Variants in PDE1C observed in about 807,000 individuals in gnomAD.
PDE1C encodes dual specificity calcium/calmodulin-dependent 3',5'-cyclic nucleotide phosphodiesterase 1C.
Under a neutral mutation model 93.1 loss-of-function variants are expected in PDE1C, and 62 were observed. The observed-to-expected ratio is 0.67, with a 90% confidence interval of 0.54 to 0.82. The LOEUF (loss-of-function observed/expected upper bound fraction) is 0.82, where lower values mean the gene tolerates loss of function less well. PDE1C is among the 40% of genes least tolerant of loss of function. The pLI, the probability that PDE1C is intolerant of heterozygous loss-of-function variation, is 0.00. For missense variants in PDE1C, 742 were observed against 884.6 expected (o/e 0.84, Z 2.04); for synonymous variants, 325 against 310.1 (o/e 1.05, Z -0.50).
At chr7:32,109,042 G>A (rs1220150836) in intron 3 of PDE1C, among the ~76,000 whole-genome samples, 2 of 152,060 alleles carry the variant, frequency 1.3e-5, no homozygotes, top group Non-Finnish European at 2.9e-5. Context: ...AAATACTATA[G>A]GAGCAAAGGA....
At chr7:32,211,878 T>C (rs113414309) in intron 1 of PDE1C, among the ~76,000 whole-genome samples, 3,484 of 151,524 alleles carry the variant, frequency 0.023, 76 homozygotes, top group African/African-American at 0.059. Context: ...TTTAACAACT[T>C]AGCCGGGTGT....
At chr7:31,893,346 G>T in intron 2 of PDE1C, 1 of 260,508 alleles carries the variant, frequency 3.8e-6, no homozygotes, top group Non-Finnish European at 6.0e-6. Context: ...GGAGGGATCT[G>T]AACCAGTAAT....
chr7:31,828,041 GCCCCCTC>G (rs1446231472), intron 12 of PDE1C, among the ~76,000 whole-genome samples: 2 of 151,992 alleles, frequency 1.3e-5, no homozygotes, highest in African/African-American at 4.8e-5. Context: ...GAAAGTTGGG[GCCCCCTC>G]TTTCTCTTGA....
intron 1 of PDE1C, among the ~76,000 whole-genome samples, chr7:32,410,114 C>G (rs111686782): frequency 6.6e-6 from 1 of 152,118 alleles, no homozygotes; most frequent in African/African-American, 2.4e-5. Flanking sequence ...AAAACTACTA[C>G]AAACAATAGG....
At chr7:32,226,202 A>C (rs1050012767) in intron 1 of PDE1C, among the ~76,000 whole-genome samples, 1 of 152,172 alleles carries the variant, frequency 6.6e-6, no homozygotes, top group Admixed American at 6.5e-5. Flanking sequence ...CCCCGTCTCT[A>C]TCTGTCTGGC....
chr7:32,413,176 G>C (rs1203921690), intron 1 of PDE1C, among the ~76,000 whole-genome samples: 1 of 152,058 alleles, frequency 6.6e-6, no homozygotes, highest in African/African-American at 2.4e-5. Flanking sequence ...GGCTTACGTA[G>C]GGGGGAATGC....
chr7:32,244,759 CAT>C (rs1393757747), intron 1 of PDE1C, among the ~76,000 whole-genome samples: 1 of 152,176 alleles, frequency 6.6e-6, no homozygotes. Context: ...GTTTTTAAAA[CAT>C]ATGTGACTTT....
chr7:32,151,970 T>C (rs2128791018), intron 3 of PDE1C, among the ~76,000 whole-genome samples: 1 of 152,354 alleles, frequency 6.6e-6, no homozygotes, highest in Non-Finnish European at 1.5e-5. Flanking sequence ...ATGACATTTT[T>C]ATTTTAATAA....
chr7:31,695,739 C>G, the PDE1C span: 1 of 983,228 alleles, frequency 1.0e-6, no homozygotes, highest in East Asian at 2.5e-5. Flanking sequence ...GTGCACTCCC[C>G]ACCTCTGTAT....
intron 1 of PDE1C, among the ~76,000 whole-genome samples, chr7:32,066,477 A>G (rs1795425262): frequency 6.6e-6 from 1 of 152,246 alleles, no homozygotes; most frequent in African/African-American, 2.4e-5. Flanking sequence ...ATGAGATTAG[A>G]TAATTATAAT....
At chr7:31,739,200 GACACAC>G in the PDE1C span, among the ~76,000 whole-genome samples, 793 of 143,156 alleles carry the variant, frequency 5.5e-3, 2 homozygotes, top group African/African-American at 0.018. Context: ...GTAACTTTTA[GACACAC>G]ACACACACAC....
chr7:31,689,923 A>G, the PDE1C span, among the ~76,000 whole-genome samples: 1 of 152,190 alleles, frequency 6.6e-6, no homozygotes, highest in African/African-American at 2.4e-5. Flanking sequence ...GTTCACCACC[A>G]CCATTCTTTA....
At chr7:31,874,843 G>C (rs192263433) in intron 5 of PDE1C, among the ~76,000 whole-genome samples, 19 of 152,322 alleles carry the variant, frequency 1.2e-4, no homozygotes, top group Middle Eastern at 3.4e-3. Context: ...GCAAAACCTC[G>C]CAAGTCTAGA....
chr7:32,173,014 T>C (rs1179956286), intron 2 of PDE1C, among the ~76,000 whole-genome samples: 5 of 152,094 alleles, frequency 3.3e-5, no homozygotes, highest in African/African-American at 1.2e-4. Context: ...GCTGGGTATA[T>C]ACCCAAAGGA....
At chr7:31,796,328 T>C (rs1257070663) in intron 16 of PDE1C, among the ~76,000 whole-genome samples, 2 of 151,612 alleles carry the variant, frequency 1.3e-5, no homozygotes, top group African/African-American at 2.4e-5. Flanking sequence ...TAAGTGTGTG[T>C]GTAATTTCAG....
the PDE1C span, among the ~76,000 whole-genome samples, chr7:31,715,317 C>A: frequency 6.6e-6 from 1 of 152,084 alleles, no homozygotes; most frequent in Non-Finnish European, 1.5e-5. Flanking sequence ...CAGCTCACTG[C>A]AACCTCTGCC....
At chr7:32,402,004 A>G (rs1784953238) in intron 1 of PDE1C, among the ~76,000 whole-genome samples, 1 of 152,194 alleles carries the variant, frequency 6.6e-6, no homozygotes. Flanking sequence ...GAAGTCTGCT[A>G]AACACTTTTA....
At chr7:31,618,187 C>T in the PDE1C span, among the ~76,000 whole-genome samples, 1 of 152,212 alleles carries the variant, frequency 6.6e-6, no homozygotes, top group East Asian at 1.9e-4. Context: ...TTTCCCCAAA[C>T]TTAAGATCAG....
At chr7:31,838,494 T>C (rs1791400485) in intron 9 of PDE1C, among the ~76,000 whole-genome samples, 1 of 152,196 alleles carries the variant, frequency 6.6e-6, no homozygotes, top group South Asian at 2.1e-4. Flanking sequence ...GTGGTGCATT[T>C]GTTACAACTA....
Sources: allele counts gnomAD v4.1 joint callset (sites outside exome capture counted in the v4.1 genomes callset), GRCh38; gene constraint gnomAD v4.1.1; transcripts MANE v1.5; gene names NCBI Gene and HGNC (gene_info 2026-07-23, HGNC 2026-07-21).